The following ANKDD1A variants were observed in gnomAD, a reference collection of about 807,000 sequenced individuals.
ANKDD1A encodes the protein ankyrin repeat and death domain containing 1A.
A neutral mutation model predicts 63.5 loss-of-function variants in ANKDD1A; 59 were observed. That is an observed-to-expected ratio of 0.93 (90% CI 0.75 to 1.15). The LOEUF is 1.15. ANKDD1A is among the 50% of genes most tolerant of loss of function. The pLI is 0.00. For missense variants in ANKDD1A, 632 were observed against 656.4 expected, an observed-to-expected ratio of 0.96 and a Z score of 0.41; for synonymous variants, 266 against 263.9, an observed-to-expected ratio of 1.01 and a Z score of -0.08.
At chr15:64,950,907 AGGCAGAGCTTAGG>A (rs1382287528) in intron 14 of ANKDD1A, 4 of 1,250,148 alleles carry the variant, frequency 3.2e-6, no homozygotes, top group Non-Finnish European at 4.1e-6. Flanking sequence ...CAGTCCTGTG[AGGCAGAGCTTAGG>A]CAACAGAGGA....
intron 10 of ANKDD1A, 123 bp downstream of exon 10, chr15:64,942,688 TTTAGC>T (rs1156837706): frequency 1.4e-6 from 1 of 691,752 alleles, no homozygotes; most frequent in Non-Finnish European, 2.3e-6. Context: ...TTTTTTTTTT[TTTAGC>T]TTTTAGAAAG....
In ANKDD1A at chr15:64,958,054, G is replaced by C. The variant is rs28655381; in HGVS notation, c.*866G>C. 6.6e-6 allele frequency: 1 copy of C among 152,152 alleles called. No individual in the cohort carries two copies. The highest frequency in any genetic ancestry group is 2.4e-5 in the African/African-American group (1 of 41,404). 9.4% of individuals were successfully genotyped at this position (152,152 alleles called of 1,614,324 possible). On this transcript the variant is annotated 3_prime_UTR_variant, in exon 15 of 15. Transcript: ENST00000319580. ...TCTATACAGTTTTAACTTTTGAAAT[G>C]TGTGAGAGTGTTACTTACTGAAAAC...
rs949278328 is a variant in ANKDD1A at position 64,925,301 on chromosome 15, G to A, written c.367-765G>A. ...TTCACTGAGATTTGACCACTGTCAA[G>A]ATGTAAAACACTGTTGTACTGATTT... On this transcript the variant is annotated intron_variant, in intron 4 of 14. Coordinates refer to ENST00000319580, the MANE Select transcript of ANKDD1A (RefSeq NM_182703.6). 8.0e-5 allele frequency among the ~76,000 whole-genome samples: 12 copies of A among 149,540 alleles called. No individual in the cohort carries two copies. In the South Asian group the frequency reaches 1.1e-3, roughly 13 times the overall value.
At chr15:64,927,119 C>A in intron 6 of ANKDD1A, 120 bp downstream of exon 6, 3 of 988,050 alleles carry the variant, frequency 3.0e-6, no homozygotes, top group Non-Finnish European at 4.7e-6. Context: ...CCGTGTGGCC[C>A]AAAGATGAGA....
chr15:64,940,697 C>G (rs978404136), intron 9 of ANKDD1A, among the ~76,000 whole-genome samples: 2 of 151,902 alleles, frequency 1.3e-5, no homozygotes, highest in Admixed American at 6.6e-5. Context: ...CTCGGCCTCC[C>G]AAAGTGCTGG....
chr15:64,951,305 C>CTTT (rs2085268502), intron 14 of ANKDD1A: 1 of 758,892 alleles, frequency 1.3e-6, no homozygotes, highest in Non-Finnish European at 1.5e-6. Context: ...TCTTCTTCTT[C>CTTT]TCTTCTTCTT....
intron 14 of ANKDD1A, among the ~76,000 whole-genome samples, chr15:64,954,773 CT>C (rs1566919206): frequency 0.012 from 1,707 of 138,442 alleles, 38 homozygotes; most frequent in African/African-American, 0.043. Context: ...CTTCTTTCTT[CT>C]TCTCCTTCTT....
intron 14 of ANKDD1A, among the ~76,000 whole-genome samples, chr15:64,951,745 CTCT>C (rs200067903): frequency 0.041 from 1,676 of 40,864 alleles, 16 homozygotes; most frequent in Non-Finnish European, 0.063. Context: ...CTCCTTCTTC[CTCT>C]TCTTCCTTCT....
intron 8 of ANKDD1A, chr15:64,931,850 C>A: frequency 1.7e-6 from 1 of 581,582 alleles, no homozygotes. Context: ...TAACACAGTG[C>A]CCAGGACATA....
chr15:64,943,413 C>A (rs74019380), intron 10 of ANKDD1A, 71 bp from the exon 11 acceptor site: 10 of 1,253,556 alleles, frequency 8.0e-6, no homozygotes, highest in South Asian at 2.4e-5. Context: ...GATCATTGTG[C>A]GGGCTGACTT....
chr15:64,950,099 AC>A, intron 14 of ANKDD1A, 127 bp downstream of exon 14: 1 of 1,501,276 alleles, frequency 6.7e-7, no homozygotes, highest in Non-Finnish European at 8.9e-7. Context: ...CCAGATTCCT[AC>A]CCCTAGCCCT....
At chr15:64,918,047 T>C (rs1052653367) in intron 3 of ANKDD1A, among the ~76,000 whole-genome samples, 61 of 152,352 alleles carry the variant, frequency 4.0e-4, no homozygotes, top group African/African-American at 1.4e-3. Context: ...AGGGATACAC[T>C]TATGGCTTTG....
In ANKDD1A at chr15:64,922,104, C is replaced by T. The variant is rs78734947; in HGVS notation, c.366+85C>T. On this transcript the variant is annotated intron_variant, in intron 4 of 14. Coordinates refer to ENST00000319580, the MANE Select transcript of ANKDD1A (RefSeq NM_182703.6). ...CTCCCCCGACCTCTGTCCCCCACCC[C>T]TGCTTGCCCCTCCAGCCCCCAACCT... 5.2e-3 allele frequency: 6,456 copies of T among 1,252,730 alleles called. 230 individuals carry two copies. The African/African-American group carries it at 0.078, about 15-fold the overall frequency. 77.6% of individuals were successfully genotyped at this position (1,252,730 alleles called of 1,614,324 possible).
chr15:64,922,212 C>G, intron 4 of ANKDD1A, 193 bp downstream of exon 4: 1 of 571,296 alleles, frequency 1.8e-6, no homozygotes, highest in Non-Finnish European at 3.1e-6. Context: ...AGCCCTCTGG[C>G]TGGCCTCCTT....
chr15:64,937,027 A>T (rs2085139252), intron 9 of ANKDD1A, among the ~76,000 whole-genome samples: 1 of 152,166 alleles, frequency 6.6e-6, no homozygotes, highest in African/African-American at 2.4e-5. Flanking sequence ...GGTTGGCAAA[A>T]ATCCAAAAGT....
At chr15:64,935,610 G>A (rs889965678) in intron 9 of ANKDD1A, among the ~76,000 whole-genome samples, 1 of 151,846 alleles carries the variant, frequency 6.6e-6, no homozygotes. Context: ...GGGAGGCAGA[G>A]CTTGCAGTGA....
intron 9 of ANKDD1A, among the ~76,000 whole-genome samples, chr15:64,935,953 C>CTTTG (rs1482249667): frequency 6.6e-6 from 1 of 152,068 alleles, no homozygotes; most frequent in African/African-American, 2.4e-5. Flanking sequence ...AAACAAGAGG[C>CTTTG]TTTGGTGTTA....
At position 64,926,068 on chromosome 15, in the gene ANKDD1A, TG is replaced by T; in HGVS notation, c.371del (p.Gly124AlafsTer2). 1 of 1,612,968 alleles carries T rather than the reference TG, an allele frequency of 6.2e-7. No individual in the cohort carries two copies. Among genetic ancestry groups the T allele is most frequent in the South Asian group, 1.1e-5 (1 of 90,774 alleles). On this transcript the variant is annotated frameshift_variant, in exon 5 of 15. Transcript: ENST00000319580. LOFTEE classifies it high-confidence loss of function. ...AACCCTCCTGCACTTGTTTCCAGGA[TG>T]GCCTGACCTTACTGCACTGCGCAGC... ...GAKIHCESKDGLTLLHCAAQK... is the reference protein window; with the variant it reads ...GAKIHCESKDXLTLLHCAAQK...
At chr15:64,916,408 T>G (rs956856189) in intron 2 of ANKDD1A, among the ~76,000 whole-genome samples, 8 of 151,622 alleles carry the variant, frequency 5.3e-5, no homozygotes, top group Non-Finnish European at 1.0e-4. Context: ...CACTGTAGCC[T>G]TGACCTTCCT....
Sources: allele counts gnomAD v4.1 joint callset (sites outside exome capture counted in the v4.1 genomes callset), GRCh38; gene constraint gnomAD v4.1.1; transcripts MANE v1.5; gene names NCBI Gene and HGNC (gene_info 2026-07-23, HGNC 2026-07-21).